Variants in MTMR14 observed in about 807,000 individuals in gnomAD.
The protein encoded by MTMR14 is myotubularin related protein 14.
Under a neutral mutation model 86.3 loss-of-function variants are expected in MTMR14, and 48 were observed. That is an observed-to-expected ratio of 0.56 (90% CI 0.44 to 0.71). MTMR14 has a LOEUF of 0.71. MTMR14 is among the 30% of genes least tolerant of loss of function. The pLI is 0.00. For synonymous variants in MTMR14, 366 were observed against 326.1 expected (o/e 1.12, Z -1.32); for missense variants, 780 against 834.6 (o/e 0.93, Z 0.81).
chr3:9,683,367 T>C (rs1187341051), intron 10 of MTMR14, 123 bp downstream of exon 10: 2 of 920,166 alleles, frequency 2.2e-6, no homozygotes, highest in Admixed American at 4.0e-5. Flanking sequence ...GGAGAGGAAT[T>C]TGGGGAGTTC....
chr3:9,672,774 C>T lies in MTMR14; in HGVS notation c.751+16C>T. On this transcript the variant is annotated intron_variant, in intron 7 of 18. Coordinates refer to ENST00000296003, the MANE Select transcript of MTMR14 (RefSeq NM_001077525.3). ...CCGTATCCAGGTAGGGGGCTCTCTT[C>T]TAGTGGCAGGCATCCTAGGACTGGG... The T allele has an allele frequency of 6.2e-7, 1 of 1,613,358 alleles. No individual in the cohort carries two copies. The highest frequency in any genetic ancestry group is 8.5e-7 in the Non-Finnish European group (1 of 1,179,292).
chr3:9,680,515 A>G (rs557587518), intron 9 of MTMR14, among the ~76,000 whole-genome samples: 1 of 152,356 alleles, frequency 6.6e-6, no homozygotes, highest in African/African-American at 2.4e-5. Context: ...AGCTCCATGC[A>G]GTCTGGTCTT....
Position 9,677,110 on chromosome 3 carries a change from A to G in MTMR14, c.752-207A>G, listed in dbSNP as rs543346314. On this transcript the variant is annotated intron_variant, in intron 7 of 18. Coordinates refer to ENST00000296003, the MANE Select transcript of MTMR14 (RefSeq NM_001077525.3). This position sits in a 1 kb window ranked among gnomAD's most constrained non-coding sequence, Gnocchi z 4.2. Reference sequence around the variant, plus strand: ...GCAGTGCCTCGTGGAAAAGGCATGCAGCCAGGAAACCAGAGGGGCTCTAGA... The same window carrying G: ...GCAGTGCCTCGTGGAAAAGGCATGCGGCCAGGAAACCAGAGGGGCTCTAGA... Among the ~76,000 whole-genome samples, 10 of 152,368 alleles carry G rather than the reference A, an allele frequency of 6.6e-5. No individual in the cohort carries two copies. In the East Asian group the frequency reaches 1.9e-3, roughly 29 times the overall value.
At chr3:9,660,906 G>T (rs1314348241) in intron 2 of MTMR14, among the ~76,000 whole-genome samples, 1 of 152,192 alleles carries the variant, frequency 6.6e-6, no homozygotes, top group African/African-American at 2.4e-5. Context: ...GTTGCTACCA[G>T]AAGCTCTGAC....
Position 9,688,941 on chromosome 3 carries a change from T to A in MTMR14, c.1295-3T>A, listed in dbSNP as rs765783300. 3.6e-5 allele frequency: 58 copies of A among 1,613,944 alleles called. No homozygotes were observed. The highest frequency in any genetic ancestry group is 2.7e-4 in the South Asian group (25 of 91,080). ...GCTGACTGATGGCACTGGCTTCTTT[T>A]AGGACGAAAGGACCGTGGCAGCACC... On this transcript the variant is annotated splice_region_variant and splice_polypyrimidine_tract_variant and intron_variant, in intron 15 of 18. Transcript: ENST00000296003.
chr3:9,668,188 C>G (rs927230060), intron 3 of MTMR14, among the ~76,000 whole-genome samples: 1 of 152,188 alleles, frequency 6.6e-6, no homozygotes, highest in Non-Finnish European at 1.5e-5. Context: ...CACCCCTTGC[C>G]CCCGCTAGAA....
At chr3:9,653,404 C>G (rs903625803) in intron 1 of MTMR14, among the ~76,000 whole-genome samples, 1 of 147,566 alleles carries the variant, frequency 6.8e-6, no homozygotes, top group African/African-American at 2.7e-5. Flanking sequence ...ATTTCAGATT[C>G]ATTGTTAGGG....
At position 9,702,035 on chromosome 3, in the gene MTMR14, A is replaced by G; in HGVS notation, c.*62A>G. 1 of 1,605,964 alleles carries G rather than the reference A, an allele frequency of 6.2e-7. No individual in the cohort carries two copies. The highest frequency in any genetic ancestry group is 8.5e-7 in the Non-Finnish European group (1 of 1,174,604). On this transcript the variant is annotated 3_prime_UTR_variant, in exon 19 of 19. Transcript: ENST00000296003. ...AGCTGAGCCCTTAGCAGAGAATCAAAGCCATGCCTGGCCGAAGGGGTACTT... is the reference window on the plus strand; with the variant it reads ...AGCTGAGCCCTTAGCAGAGAATCAAGGCCATGCCTGGCCGAAGGGGTACTT...
chr3:9,689,040 C>T lies in MTMR14; in HGVS notation c.1391C>T (p.Ala464Val), dbSNP rs778614424. The T allele has an allele frequency of 6.2e-7, 1 of 1,613,632 alleles. No individual in the cohort carries two copies. The highest frequency in any genetic ancestry group is 1.1e-5 in the South Asian group (1 of 91,088). Residue 464 changes from alanine (A) to valine (V), a missense_variant, in exon 16 of 19, where the codon GCC (alanine) becomes GTC (valine). Ala to Val is a moderately conservative substitution (Grantham distance 64). Transcript: ENST00000296003. ...GCCACTGGGAGCTTCACCTATGAGGCCGTGGAGCTGGTCCCAGCAGGAGCG... is the reference window on the plus strand; with the variant it reads ...GCCACTGGGAGCTTCACCTATGAGGTCGTGGAGCTGGTCCCAGCAGGAGCG... Reference protein sequence around the residue: ...PGATGSFTYEAVELVPAGAPT... With the variant: ...PGATGSFTYEVVELVPAGAPT...
At chr3:9,660,355 T>C (rs1220662988) in intron 2 of MTMR14, among the ~76,000 whole-genome samples, 1 of 151,648 alleles carries the variant, frequency 6.6e-6, no homozygotes, top group Non-Finnish European at 1.5e-5. Flanking sequence ...GCCTCCCGGG[T>C]TCAAGCAGTT....
chr3:9,663,257 C>T (rs887881947), intron 3 of MTMR14, among the ~76,000 whole-genome samples: 2 of 151,874 alleles, frequency 1.3e-5, no homozygotes, highest in African/African-American at 4.8e-5. Flanking sequence ...TGGTCAAGGG[C>T]AGGGCAATGG....
intron 17 of MTMR14, among the ~76,000 whole-genome samples, chr3:9,695,552 G>A (rs1167340716): frequency 6.6e-6 from 1 of 152,220 alleles, no homozygotes; most frequent in African/African-American, 2.4e-5. Flanking sequence ...GTAAAGGGAA[G>A]TGACAAGCCC....
At chr3:9,675,035 C>T (rs2048779364) in intron 7 of MTMR14, among the ~76,000 whole-genome samples, 1 of 152,232 alleles carries the variant, frequency 6.6e-6, no homozygotes. Flanking sequence ...CGCTTGAACC[C>T]AGGAGGCGGA....
chr3:9,674,947 A>G (rs2048773822), intron 7 of MTMR14, among the ~76,000 whole-genome samples: 1 of 152,250 alleles, frequency 6.6e-6, no homozygotes, highest in Non-Finnish European at 1.5e-5. Flanking sequence ...CCCTATCTCT[A>G]CTAAAAATAC....
At chr3:9,699,375 G>C (rs570285440) in intron 18 of MTMR14, 1 of 152,246 alleles carries the variant, frequency 6.6e-6, no homozygotes, top group Non-Finnish European at 1.5e-5. Context: ...AGCACTCTAA[G>C]CTGCTAGCCA....
At position 9,701,875 on chromosome 3, in the gene MTMR14, C is replaced by T. The variant is rs200002439; in HGVS notation, c.1855C>T (p.Arg619Trp). 1.3e-5 allele frequency: 21 copies of T among 1,614,030 alleles called. No individual in the cohort carries two copies. Among genetic ancestry groups the T allele is most frequent in the South Asian group, 4.4e-5 (4 of 91,088 alleles). The change falls in exon 19 of 19, where the codon CGG becomes TGG. Residue 619 changes from arginine (R) to tryptophan (W), a missense_variant. Transcript: ENST00000296003. This position sits in a 1 kb window ranked among gnomAD's most constrained non-coding sequence, Gnocchi z 4.2. The stretch of plus-strand genomic sequence containing the variant: ...TGCGTACAGCAGCACAGTGGGGCTT[C>T]GGGCAGTAGCCCCCAGTCCTTCCGG... The part of the protein sequence containing the change: ...LAAYSSTVGL[R>W]AVAPSPSGAI...
intron 15 of MTMR14, 73 bp downstream of exon 15, chr3:9,688,827 T>G (rs923508413): frequency 6.2e-7 from 1 of 1,610,994 alleles, no homozygotes; most frequent in Admixed American, 1.7e-5. Context: ...AGGAACTGTT[T>G]GTGCTAAGAG....
chr3:9,689,950 T>A lies in MTMR14; in HGVS notation c.1434-14T>A. 1 of 1,606,080 alleles carries A rather than the reference T, an allele frequency of 6.2e-7. No individual in the cohort carries two copies. The highest frequency in any genetic ancestry group is 8.5e-7 in the Non-Finnish European group (1 of 1,177,154). ...AGTGGCCCCCGGCTCACAGCCCTGC[T>A]CCTTCCACTGCAGGAGGAAGAGCCA... On this transcript the variant is annotated splice_polypyrimidine_tract_variant and intron_variant, in intron 16 of 18. Coordinates refer to ENST00000296003, the MANE Select transcript of MTMR14 (RefSeq NM_001077525.3).
At chr3:9,685,148 C>G in intron 12 of MTMR14, 63 bp from the exon 13 acceptor site, 1 of 1,607,874 alleles carries the variant, frequency 6.2e-7, no homozygotes, top group South Asian at 1.1e-5. Context: ...TCTGGTGACC[C>G]TGTCCTCTTG....
Sources: gnomAD v4.1 joint callset for allele counts (sites outside exome capture counted in the v4.1 genomes callset) on GRCh38, gnomAD v4.1.1 for gene constraint, Gnocchi (gnomAD v3.1) non-coding constraint, MANE v1.5 for transcripts, NCBI Gene and HGNC (gene_info 2026-07-23, HGNC 2026-07-21) for gene names.